METTL15: variants seen among roughly 807,000 people sequenced by gnomAD.
The protein encoded by METTL15 is methyltransferase 15, mitochondrial 12S rRNA N4-cytidine.
In METTL15, 34 loss-of-function variants were observed where a neutral mutation model predicts 38.3. The observed-to-expected ratio is 0.89, with a 90% CI of 0.68 to 1.18. The LOEUF is 1.18. Ranked by LOEUF, METTL15 falls within the 50% of genes most tolerant of loss-of-function variation. The pLI, the probability that METTL15 is intolerant of heterozygous loss-of-function variation, is 0.00. For missense variants in METTL15, 438 were observed against 498.4 expected (o/e 0.88, Z 1.15); for synonymous variants, 162 against 170.9 (o/e 0.95, Z 0.41).
intron 3 of METTL15, among the ~76,000 whole-genome samples, chr11:28,199,351 G>C (rs1412494039): frequency 6.6e-6 from 1 of 151,912 alleles, no homozygotes; most frequent in African/African-American, 2.4e-5. Context: ...TCTTATATTT[G>C]TAGATTCTCT....
chr11:28,409,099 C>G (rs534562493), intron 5 of METTL15, among the ~76,000 whole-genome samples: 1 of 151,900 alleles, frequency 6.6e-6, no homozygotes, highest in Admixed American at 6.6e-5. Flanking sequence ...ATATTTAAAT[C>G]GGGCTGGGCG....
At chr11:28,217,699 A>C (rs971093513) in intron 4 of METTL15, among the ~76,000 whole-genome samples, 2 of 152,090 alleles carry the variant, frequency 1.3e-5, no homozygotes, top group Non-Finnish European at 2.9e-5. Context: ...TAGGTCTACC[A>C]TTTAAGTCTT....
intron 4 of METTL15, among the ~76,000 whole-genome samples, chr11:28,276,585 C>A (rs1314077690): frequency 6.6e-6 from 1 of 152,082 alleles, no homozygotes; most frequent in Non-Finnish European, 1.5e-5. Flanking sequence ...TTAGAAAAAA[C>A]AATTCTAAAA....
At chr11:28,113,834 A>G (rs1256682396) in intron 3 of METTL15, among the ~76,000 whole-genome samples, 3 of 152,160 alleles carry the variant, frequency 2.0e-5, no homozygotes, top group Non-Finnish European at 2.9e-5. Context: ...GTTACATGAG[A>G]TAGTCAATAA....
chr11:28,248,971 C>T (rs1854626889), intron 4 of METTL15, among the ~76,000 whole-genome samples: 1 of 151,866 alleles, frequency 6.6e-6, no homozygotes, highest in Admixed American at 6.6e-5. Context: ...TTATTTCTCT[C>T]TTTTACTTTC....
chr11:28,384,467 C>A (rs1186526681), intron 5 of METTL15, among the ~76,000 whole-genome samples: 5 of 151,974 alleles, frequency 3.3e-5, no homozygotes, highest in Non-Finnish European at 5.9e-5. Context: ...CGTCATCATA[C>A]CCGGCTAATT....
chr11:28,181,600 A>G (rs960103958), intron 3 of METTL15, among the ~76,000 whole-genome samples: 1 of 151,456 alleles, frequency 6.6e-6, no homozygotes, highest in African/African-American at 2.4e-5. Context: ...TCATTTTTTA[A>G]GGCTGCATAG....
intron 4 of METTL15, among the ~76,000 whole-genome samples, chr11:28,219,723 C>G (rs1023905303): frequency 2.6e-5 from 4 of 152,074 alleles, no homozygotes; most frequent in African/African-American, 9.7e-5. Context: ...CCTCTACACA[C>G]TGCTTTAAAT....
chr11:28,128,844 G>A (rs989110556), intron 3 of METTL15, among the ~76,000 whole-genome samples: 1 of 152,128 alleles, frequency 6.6e-6, no homozygotes, highest in Non-Finnish European at 1.5e-5. Flanking sequence ...AAATTTTTTA[G>A]TCTAATCTAA....
intron 6 of METTL15, among the ~76,000 whole-genome samples, chr11:28,521,849 C>T (rs1378280915): frequency 6.6e-6 from 1 of 152,090 alleles, no homozygotes; most frequent in Admixed American, 6.6e-5. Flanking sequence ...CCTTCTTTGC[C>T]TCTTCAGTCC....
intron 5 of METTL15, among the ~76,000 whole-genome samples, chr11:28,382,259 C>T (rs540076890): frequency 3.9e-5 from 6 of 152,210 alleles, no homozygotes; most frequent in South Asian, 4.1e-4. Flanking sequence ...TCTGATGTGG[C>T]GTGTCTTTGG....
rs1564936431 is a variant in METTL15 at position 28,456,429 on chromosome 11, T to TTTG, written c.*424+32067_*424+32068insGTT. ...TCATAGCCCCCAGGGTTGTTTTTTT[T>TTTG]TTTGTTTGTTTGTTTGTTTTGTTTT... On this transcript the variant is annotated intron_variant and NMD_transcript_variant, in intron 6 of 7. Transcript: ENST00000532947. Among the ~76,000 whole-genome samples, 127 of 151,884 alleles carry TTTG rather than the reference T, an allele frequency of 8.4e-4. 2 individuals carry two copies. The East Asian group carries it at 0.011, about 13-fold the overall frequency.
At chr11:28,209,601 C>T (rs1852536046) in intron 3 of METTL15, among the ~76,000 whole-genome samples, 1 of 152,010 alleles carries the variant, frequency 6.6e-6, no homozygotes, top group Non-Finnish European at 1.5e-5. Context: ...ACCACATTTA[C>T]ATCTTTTTAT....
intron 3 of METTL15, among the ~76,000 whole-genome samples, chr11:28,162,955 A>G (rs1368028847): frequency 1.3e-5 from 2 of 152,126 alleles, no homozygotes; most frequent in African/African-American, 4.8e-5. Flanking sequence ...TCAGATAGGT[A>G]GTATTTTGAG....
intron 4 of METTL15, among the ~76,000 whole-genome samples, chr11:28,226,294 A>G (rs760995032): frequency 1.1e-4 from 16 of 151,908 alleles, no homozygotes; most frequent in Non-Finnish European, 1.6e-4. Flanking sequence ...GGTTTTCTGT[A>G]TTCTGCCATA....
chr11:28,186,330 A>T (rs986647804), intron 3 of METTL15, among the ~76,000 whole-genome samples: 5 of 151,292 alleles, frequency 3.3e-5, no homozygotes, highest in African/African-American at 1.2e-4. Context: ...GATTTTGTGT[A>T]TTATCAATAT....
chr11:28,474,101 T>A (rs1205000983), intron 6 of METTL15, among the ~76,000 whole-genome samples: 1 of 151,914 alleles, frequency 6.6e-6, no homozygotes, highest in African/African-American at 2.4e-5. Context: ...TGCACACAAA[T>A]ACACATGTAT....
chr11:28,263,995 G>A (rs1485920782), intron 4 of METTL15, among the ~76,000 whole-genome samples: 1 of 152,028 alleles, frequency 6.6e-6, no homozygotes, highest in Non-Finnish European at 1.5e-5. Flanking sequence ...TACACATGTA[G>A]CATTTAACTT....
chr11:28,278,219 A>G (rs1855916371), intron 4 of METTL15, among the ~76,000 whole-genome samples: 1 of 152,198 alleles, frequency 6.6e-6, no homozygotes, highest in Admixed American at 6.5e-5. Flanking sequence ...AAGCAGGCAC[A>G]CACTGGGGCA....
Sources: allele counts gnomAD v4.1 joint callset (sites outside exome capture counted in the v4.1 genomes callset), GRCh38; gene constraint gnomAD v4.1.1; transcripts MANE v1.5; gene names NCBI Gene and HGNC (gene_info 2026-07-23, HGNC 2026-07-21).